The following CELF2 variants were observed in gnomAD, a reference collection of about 807,000 sequenced individuals.
The protein encoded by CELF2 is CUGBP Elav-like family member 2, also known as CUG triplet repeat RNA-binding protein 2.
Under a neutral mutation model 62.6 loss-of-function variants are expected in CELF2, and 8 were observed. That is an observed-to-expected ratio of 0.13 (90% CI 0.07 to 0.23). The LOEUF is 0.23. Among genes scored for constraint, CELF2 ranks in the 10% least tolerant of loss-of-function variants. The pLI is 1.00. For synonymous variants in CELF2, 258 were observed against 250.0 expected, an observed-to-expected ratio of 1.03 and a Z score of -0.30; for missense variants, 333 against 671.0, an observed-to-expected ratio of 0.50 and a Z score of 5.56.
In CELF2 at chr10:10,993,549, G is replaced by A. The variant is rs2053648048; in HGVS notation, c.89+73550G>A. The stretch of plus-strand genomic sequence containing the variant: ...CTAAGCCACTGGGAACACACTTGTA[G>A]TCAAAGCTATATTTACATAATTGTG... On this transcript the variant is annotated intron_variant, in intron 2 of 13. Coordinates refer to the CELF2 transcript ENST00000636488. The surrounding 1 kb of genome is among the most constrained non-coding windows in gnomAD (Gnocchi z 5.3). Among the ~76,000 whole-genome samples the A allele has an allele frequency of 6.6e-6, 1 of 152,176 alleles. No individual in the cohort carries two copies. The highest frequency in any genetic ancestry group is 2.1e-4 in the South Asian group (1 of 4,828).
chr10:11,318,690 G>A lies in CELF2; in HGVS notation c.1097-2499G>A. The A allele has an allele frequency of 2.2e-6, 1 of 446,016 alleles. No homozygotes were observed. The highest frequency in any genetic ancestry group is 4.7e-6 in the Non-Finnish European group (1 of 214,474). 27.6% of individuals were successfully genotyped at this position (446,016 alleles called of 1,614,324 possible). ...TGTGTTCTGCTTCTGCATTGTAAGA[G>A]AGAAACATTTTTGGCAAAAAGGAGA... On this transcript the variant is annotated intron_variant, in intron 10 of 12. Coordinates refer to ENST00000633077, the MANE Select transcript of CELF2 (RefSeq NM_001326342.2). This position sits in a 1 kb window ranked among gnomAD's most constrained non-coding sequence, Gnocchi z 5.4.
At chr10:11,295,856 G>T (rs1249408239) in intron 9 of CELF2, among the ~76,000 whole-genome samples, 3 of 152,192 alleles carry the variant, frequency 2.0e-5, no homozygotes, top group Non-Finnish European at 2.9e-5. Context: ...ACCCAGAGGG[G>T]TTTTGAGGGC....
chr10:11,164,872 C>T (rs1026830273), intron 1 of CELF2, among the ~76,000 whole-genome samples: 1 of 152,206 alleles, frequency 6.6e-6, no homozygotes, highest in Admixed American at 6.5e-5. Flanking sequence ...TGAGTAGCAA[C>T]AACGTACTAA....
the CELF2 span, among the ~76,000 whole-genome samples, chr10:10,757,687 G>A: frequency 2.0e-5 from 3 of 152,050 alleles, no homozygotes; most frequent in Non-Finnish European, 2.9e-5. Flanking sequence ...TAAGCTACTT[G>A]TCTTTAAATA....
At chr10:10,745,992 A>AT in the CELF2 span, among the ~76,000 whole-genome samples, 1 of 152,136 alleles carries the variant, frequency 6.6e-6, no homozygotes, top group African/African-American at 2.4e-5. Flanking sequence ...CTTATTTTGC[A>AT]TTTTTGCCTG....
intron 9 of CELF2, among the ~76,000 whole-genome samples, chr10:11,313,166 A>G (rs1450334636): frequency 1.3e-5 from 2 of 152,226 alleles, no homozygotes; most frequent in African/African-American, 2.4e-5. Flanking sequence ...TACAAAACAG[A>G]CTTCAAGGAA....
intron 2 of CELF2, among the ~76,000 whole-genome samples, chr10:10,976,845 A>G (rs952621089): frequency 6.6e-6 from 1 of 152,026 alleles, no homozygotes; most frequent in Non-Finnish European, 1.5e-5. Flanking sequence ...CACTTGCACC[A>G]CTGGGCATCT....
At chr10:11,024,089 G>C (rs549119522) in intron 1 of CELF2, among the ~76,000 whole-genome samples, 1 of 152,230 alleles carries the variant, frequency 6.6e-6, no homozygotes, top group South Asian at 2.1e-4. Context: ...TATCAGGTCG[G>C]CTTTATTAGT....
At chr10:10,854,164 C>T (rs2059565677) in intron 1 of CELF2, among the ~76,000 whole-genome samples, 1 of 152,200 alleles carries the variant, frequency 6.6e-6, no homozygotes, top group South Asian at 2.1e-4. Flanking sequence ...CTGGAGGACA[C>T]TCATGAGGAC....
At chr10:11,025,117 T>A (rs572632480) in intron 1 of CELF2, among the ~76,000 whole-genome samples, 1 of 152,120 alleles carries the variant, frequency 6.6e-6, no homozygotes, top group Non-Finnish European at 1.5e-5. Context: ...AGACAATCAG[T>A]TGGTCTTTTA....
At chr10:11,265,554 A>C (rs2081967031) in intron 5 of CELF2, among the ~76,000 whole-genome samples, 1 of 152,238 alleles carries the variant, frequency 6.6e-6, no homozygotes, top group South Asian at 2.1e-4. Context: ...ATCAGCCTGA[A>C]TCTGCATTAA....
chr10:11,258,833 C>T (rs2079584569), intron 5 of CELF2, among the ~76,000 whole-genome samples: 1 of 152,200 alleles, frequency 6.6e-6, no homozygotes, highest in Non-Finnish European at 1.5e-5. Flanking sequence ...ACGACAGGTG[C>T]ACGCTACCAC....
At chr10:10,482,174 T>C in the CELF2 span, among the ~76,000 whole-genome samples, 2 of 152,252 alleles carry the variant, frequency 1.3e-5, no homozygotes, top group African/African-American at 4.8e-5. Flanking sequence ...TATGTATTCA[T>C]GCATTTCATT....
intron 1 of CELF2, among the ~76,000 whole-genome samples, chr10:11,027,091 C>T (rs1056714040): frequency 6.6e-6 from 1 of 152,152 alleles, no homozygotes; most frequent in Non-Finnish European, 1.5e-5. Context: ...AACATCTTTG[C>T]TCGTGACTCC....
the CELF2 span, among the ~76,000 whole-genome samples, chr10:10,587,475 G>T: frequency 6.6e-6 from 1 of 152,070 alleles, no homozygotes; most frequent in South Asian, 2.1e-4. Flanking sequence ...CAATTAAAGT[G>T]TTCAGAAGCC....
Position 11,330,859 on chromosome 10 carries a change from AACAG to A in CELF2, c.*1809_*1812del, listed in dbSNP as rs900551552. 2 of 152,588 alleles carry A rather than the reference AACAG, an allele frequency of 1.3e-5. No individual in the cohort carries two copies. Among genetic ancestry groups the A allele is most frequent in the African/African-American group, 4.8e-5 (2 of 41,450 alleles). The allele number at this position is 152,588 out of a possible 1,614,324, so 9.5% of individuals were successfully genotyped here. A position where few individuals can be genotyped will look rare whatever the true frequency, so the allele number is the denominator to read the frequency against. Reference sequence around the variant, plus strand: ...CCAGGGACACAGAATGTTGGTTTCTAACAGACTACTTCCAAAAACAGTTTGAGAA... The same window carrying A: ...CCAGGGACACAGAATGTTGGTTTCTAACTACTTCCAAAAACAGTTTGAGAA... On this transcript the variant is annotated 3_prime_UTR_variant, in exon 13 of 13. Transcript: ENST00000633077. The surrounding 1 kb of genome is among the most constrained non-coding windows in gnomAD (Gnocchi z 4.5).
At chr10:11,273,047 C>CCGCTCTCTTCCT (rs2084440152) in intron 7 of CELF2, among the ~76,000 whole-genome samples, 1 of 152,162 alleles carries the variant, frequency 6.6e-6, no homozygotes, top group South Asian at 2.1e-4. Flanking sequence ...CCCCTCTTCC[C>CCGCTCTCTTCCT]CGCTCTCTTC....
the CELF2 span, among the ~76,000 whole-genome samples, chr10:10,485,804 G>A: frequency 6.6e-6 from 1 of 152,286 alleles, no homozygotes; most frequent in South Asian, 2.1e-4. Context: ...GCATGAAAGT[G>A]CAAAACAGAG....
chr10:10,529,769 C>G, the CELF2 span, among the ~76,000 whole-genome samples: 1 of 151,396 alleles, frequency 6.6e-6, no homozygotes, highest in Non-Finnish European at 1.5e-5. Flanking sequence ...GAAAATGAAG[C>G]CTAACCCTGC....
Sources: gnomAD v4.1 joint callset for allele counts (sites outside exome capture counted in the v4.1 genomes callset) on GRCh38, gnomAD v4.1.1 for gene constraint, Gnocchi (gnomAD v3.1) non-coding constraint, MANE v1.5 for transcripts, NCBI Gene and HGNC (gene_info 2026-07-23, HGNC 2026-07-21) for gene names.